Variants in IQGAP2 observed in about 807,000 individuals in gnomAD.
IQGAP2 encodes ras GTPase-activating-like protein IQGAP2.
In IQGAP2, 173 loss-of-function variants were observed where a neutral mutation model predicts 201.3. That is an observed-to-expected ratio of 0.86 (90% CI 0.76 to 0.98). The LOEUF (loss-of-function observed/expected upper bound fraction) is 0.98, where lower values mean the gene tolerates loss of function less well. Ranked by LOEUF, IQGAP2 falls within the 50% of genes least tolerant of loss-of-function variation. The probability of loss-of-function intolerance (pLI) is 0.00; values close to 1 mark genes in which losing one functional copy is unlikely to be tolerated. For missense variants in IQGAP2, 1,687 were observed against 1,864.8 expected (o/e 0.90, Z 1.76); for synonymous variants, 675 against 673.9 (o/e 1.00, Z -0.03).
At chr5:76,615,521 T>C (rs1226866603) in intron 13 of IQGAP2, 6 of 152,242 alleles carry the variant, frequency 3.9e-5, no homozygotes, top group African/African-American at 9.6e-5. Context: ...TTGGGCAGTA[T>C]GAAATATACA....
intron 22 of IQGAP2, 91 bp from the exon 23 acceptor site, chr5:76,668,590 A>G (rs1580771979): frequency 9.1e-6 from 9 of 984,694 alleles, no homozygotes; most frequent in East Asian, 5.1e-5. Context: ...ATTGAAGAGC[A>G]GGGAATCAGA....
chr5:76,449,655 C>CATT (rs1753608676), intron 1 of IQGAP2, among the ~76,000 whole-genome samples: 1 of 152,164 alleles, frequency 6.6e-6, no homozygotes, highest in African/African-American at 2.4e-5. Context: ...CCTAGTGGAC[C>CATT]ATTAGTAGGA....
chr5:76,665,192 G>A lies in IQGAP2; in HGVS notation c.2679+17G>A, dbSNP rs201182416. 5.4e-5 allele frequency: 86 copies of A among 1,607,282 alleles called. No homozygotes were observed. Among genetic ancestry groups the A allele is most frequent in the South Asian group, 4.6e-4 (41 of 89,844 alleles). ...CTTTTACAGGTGAGAACAATTTATC[G>A]TTCACTCTGAGTTTGGGAGTAATAC... On this transcript the variant is annotated intron_variant, in intron 22 of 35. Coordinates refer to ENST00000274364, the MANE Select transcript of IQGAP2 (RefSeq NM_006633.5).
At chr5:76,667,877 C>CTTTTTTTTTTTTT (rs540744402) in intron 22 of IQGAP2, among the ~76,000 whole-genome samples, 16 of 123,418 alleles carry the variant, frequency 1.3e-4, no homozygotes, top group African/African-American at 4.1e-4. Context: ...AGTCCACTTT[C>CTTTTTTTTTTTTT]TTTTTTTTTT....
intron 2 of IQGAP2, among the ~76,000 whole-genome samples, chr5:76,542,048 A>G (rs1298981482): frequency 1.3e-5 from 2 of 152,140 alleles, no homozygotes; most frequent in Non-Finnish European, 2.9e-5. Flanking sequence ...AAGTGGTGCA[A>G]TCACAGCTCA....
At chr5:76,518,445 G>A (rs1297299475) in intron 2 of IQGAP2, among the ~76,000 whole-genome samples, 1 of 152,168 alleles carries the variant, frequency 6.6e-6, no homozygotes, top group Non-Finnish European at 1.5e-5. Flanking sequence ...TCATTATCAT[G>A]AGAACAGCAC....
intron 22 of IQGAP2, among the ~76,000 whole-genome samples, chr5:76,665,475 G>A (rs1343821892): frequency 1.3e-5 from 2 of 152,156 alleles, no homozygotes; most frequent in Non-Finnish European, 2.9e-5. Context: ...TTTGACTTCA[G>A]AGACCATGCT....
At chr5:76,416,241 G>A (rs186186457) in intron 1 of IQGAP2, among the ~76,000 whole-genome samples, 117 of 152,288 alleles carry the variant, frequency 7.7e-4, no homozygotes, top group African/African-American at 2.2e-3. Context: ...AGGAAGCTTT[G>A]GAGTGTCTCT....
chr5:76,671,892 A>G lies in IQGAP2; in HGVS notation c.2977A>G (p.Ile993Val). The stretch of plus-strand genomic sequence containing the variant: ...CCTGGCTCCAGTGGTAAAAGAGATC[A>G]TCGACGACAAGTCGCTGATTATCAA... ...QLLAPVVKEI[I>V]DDKSLIINTN... The change falls in exon 24 of 36, where the codon ATC (isoleucine) becomes GTC (valine). Residue 993 changes from isoleucine to valine, a missense_variant. Coordinates refer to ENST00000274364, the MANE Select transcript of IQGAP2 (RefSeq NM_006633.5). The G allele has an allele frequency of 6.2e-7, 1 of 1,614,152 alleles. No individual in the cohort carries two copies. Among genetic ancestry groups the G allele is most frequent in the Admixed American group, 1.7e-5 (1 of 60,028 alleles).
At position 76,695,555 on chromosome 5, in the gene IQGAP2, G is replaced by T; in HGVS notation, c.4095G>T (p.Leu1365=). The T allele has an allele frequency of 6.2e-7, 1 of 1,614,044 alleles. No homozygotes were observed. The highest frequency in any genetic ancestry group is 8.5e-7 in the Non-Finnish European group (1 of 1,179,868). The part of the protein sequence containing the change: ...HSQSMIEDAQ[L]PLEQKKRKIQ... ...AATCTATGATTGAAGATGCACAGCT[G>T]CCTCTTGAGCAGAAGAAGAGGAAAA... Residue 1365 remains leucine, a synonymous_variant, in exon 32 of 36, where the codon CTG becomes CTT. Coordinates refer to ENST00000274364, the MANE Select transcript of IQGAP2 (RefSeq NM_006633.5).
At chr5:76,625,166 G>A (rs1407773301) in intron 13 of IQGAP2, among the ~76,000 whole-genome samples, 3 of 152,148 alleles carry the variant, frequency 2.0e-5, no homozygotes, top group Admixed American at 6.5e-5. Flanking sequence ...AATTTAAACC[G>A]TTGACTTAAA....
At chr5:76,490,610 C>T (rs958354568) in intron 2 of IQGAP2, among the ~76,000 whole-genome samples, 5 of 152,110 alleles carry the variant, frequency 3.3e-5, no homozygotes, top group South Asian at 2.1e-4. Flanking sequence ...TCAAGTGGGG[C>T]GGCCTGGCCA....
At chr5:76,706,138 C>G (rs984116200) in intron 35 of IQGAP2, among the ~76,000 whole-genome samples, 4 of 152,152 alleles carry the variant, frequency 2.6e-5, no homozygotes, top group Non-Finnish European at 4.4e-5. Context: ...GCACTTCTCT[C>G]CATACATAGT....
chr5:76,429,416 C>CAAAAAA (rs1473590497), intron 1 of IQGAP2, among the ~76,000 whole-genome samples: 1 of 150,804 alleles, frequency 6.6e-6, no homozygotes, highest in Non-Finnish European at 1.5e-5. Flanking sequence ...ACTAAAAATA[C>CAAAAAA]AAAAAATTAG....
At chr5:76,408,461 A>G (rs1750917618) in intron 1 of IQGAP2, among the ~76,000 whole-genome samples, 1 of 152,214 alleles carries the variant, frequency 6.6e-6, no homozygotes, top group South Asian at 2.1e-4. Context: ...AGCTGGTGGC[A>G]GAGGAACTTG....
rs114821105 is a variant in IQGAP2, at chr5:76,546,903, C to T, written c.147-15493C>T. Among the ~76,000 whole-genome samples, 949 of 152,176 alleles carry T rather than the reference C, an allele frequency of 6.2e-3. 18 individuals carry two copies. The highest frequency in any genetic ancestry group is 0.022 in the African/African-American group (912 of 41,518). On this transcript the variant is annotated intron_variant, in intron 2 of 35. Coordinates refer to ENST00000274364, the MANE Select transcript of IQGAP2 (RefSeq NM_006633.5). Reference sequence around the variant, plus strand: ...AGAGGTGGGAGTGGAGAGTGGGAGGCATTTGCAAGAACATATGTTGGATTC... The same window carrying T: ...AGAGGTGGGAGTGGAGAGTGGGAGGTATTTGCAAGAACATATGTTGGATTC...
At chr5:76,437,976 GCAT>G (rs1478656499) in intron 1 of IQGAP2, among the ~76,000 whole-genome samples, 3 of 137,744 alleles carry the variant, frequency 2.2e-5, no homozygotes, top group Non-Finnish European at 3.2e-5. Context: ...GAAGATTTTT[GCAT>G]CTATATTCAT....
intron 2 of IQGAP2, among the ~76,000 whole-genome samples, chr5:76,466,265 G>A (rs1243178743): frequency 1.3e-5 from 2 of 152,126 alleles, no homozygotes; most frequent in Non-Finnish European, 1.5e-5. Flanking sequence ...CACTCAGGAG[G>A]CTGAGGATGC....
intron 1 of IQGAP2, among the ~76,000 whole-genome samples, chr5:76,404,056 A>G (rs1233209130): frequency 6.6e-6 from 1 of 152,182 alleles, no homozygotes; most frequent in African/African-American, 2.4e-5. Flanking sequence ...CTGCTAGTGC[A>G]AAGCCGGCTT....
Sources: gnomAD v4.1 joint callset for allele counts (sites outside exome capture counted in the v4.1 genomes callset) on GRCh38, gnomAD v4.1.1 for gene constraint, MANE v1.5 for transcripts, NCBI Gene and HGNC (gene_info 2026-07-23, HGNC 2026-07-21) for gene names.